Variants in PTPRD observed in about 807,000 individuals in gnomAD.
PTPRD encodes the protein receptor-type tyrosine-protein phosphatase delta.
A neutral mutation model predicts 214.5 loss-of-function variants in PTPRD; 34 were observed. That is an observed-to-expected ratio of 0.16 (90% CI 0.12 to 0.21). PTPRD has a LOEUF of 0.21. Ranked by LOEUF, PTPRD falls within the 10% of genes least tolerant of loss-of-function variation. PTPRD has a pLI of 1.00. For missense variants in PTPRD, 2,545 were observed against 2,398.7 expected (o/e 1.06, Z -1.27); for synonymous variants, 1,128 against 845.7 (o/e 1.33, Z -5.79).
intron 7 of PTPRD, among the ~76,000 whole-genome samples, chr9:9,650,142 G>A (rs575330634): frequency 1.2e-3 from 188 of 152,154 alleles, no homozygotes; most frequent in African/African-American, 4.4e-3. Flanking sequence ...AGATCTGAAG[G>A]TTTAAAAGGG....
chr9:9,372,329 A>G (rs2059739371), intron 9 of PTPRD, among the ~76,000 whole-genome samples: 1 of 152,102 alleles, frequency 6.6e-6, no homozygotes, highest in South Asian at 2.1e-4. Flanking sequence ...TAGGGTAGTT[A>G]GCTCTTCTTG....
At chr9:9,335,738 C>T (rs1475024314) in intron 9 of PTPRD, among the ~76,000 whole-genome samples, 1 of 151,946 alleles carries the variant, frequency 6.6e-6, no homozygotes. Flanking sequence ...ATGAATTATA[C>T]CTTGGAGAAA....
rs1022946702 is a variant in PTPRD at position 8,375,014 on chromosome 9, T to C, written c.4661+922A>G. On this transcript the variant is annotated intron_variant, in intron 39 of 45. Coordinates refer to ENST00000381196, the MANE Select transcript of PTPRD (RefSeq NM_002839.4). ...AAGTCACGATAGAAGTGATTTACGA[T>C]AGATGCTTTCTTGGGTTTTTCCTAT... Among the ~76,000 whole-genome samples the C allele has an allele frequency of 4.6e-5, 7 of 152,092 alleles. No homozygotes were observed. In the East Asian group the frequency reaches 7.7e-4, roughly 17 times the overall value.
chr9:8,993,508 T>C (rs1589443825), intron 11 of PTPRD, among the ~76,000 whole-genome samples: 1 of 152,128 alleles, frequency 6.6e-6, no homozygotes, highest in Admixed American at 6.6e-5. Flanking sequence ...CTGTCTATAA[T>C]GTATGTATAG....
At chr9:10,598,279 C>G (rs534104075) in intron 2 of PTPRD, among the ~76,000 whole-genome samples, 2 of 151,690 alleles carry the variant, frequency 1.3e-5, no homozygotes, top group Non-Finnish European at 2.9e-5. Flanking sequence ...AATTTGCTAG[C>G]TCGAAGTAAA....
At chr9:9,752,127 T>TCAATC (rs1291124004) in intron 6 of PTPRD, among the ~76,000 whole-genome samples, 1 of 152,102 alleles carries the variant, frequency 6.6e-6, no homozygotes, top group Non-Finnish European at 1.5e-5. Flanking sequence ...GCTAATTGTT[T>TCAATC]CAATCCCCTG....
At chr9:10,089,216 A>AATAAATAAATAT (rs2098400213) in intron 3 of PTPRD, among the ~76,000 whole-genome samples, 1 of 150,334 alleles carries the variant, frequency 6.7e-6, no homozygotes, top group African/African-American at 2.4e-5. Context: ...AAAATAAATA[A>AATAAATAAATAT]ATAAATAAAT....
At chr9:10,282,352 C>T (rs2154394962) in intron 3 of PTPRD, among the ~76,000 whole-genome samples, 1 of 152,230 alleles carries the variant, frequency 6.6e-6, no homozygotes, top group Non-Finnish European at 1.5e-5. Flanking sequence ...TGTATGTGGA[C>T]TATGACTAAA....
intron 2 of PTPRD, among the ~76,000 whole-genome samples, chr9:10,350,931 A>T (rs1341491833): frequency 6.6e-6 from 1 of 152,146 alleles, no homozygotes; most frequent in African/African-American, 2.4e-5. Flanking sequence ...TAAAATGGTG[A>T]TGATATAAAA....
At chr9:9,104,149 T>G (rs1022070978) in intron 10 of PTPRD, among the ~76,000 whole-genome samples, 3 of 152,210 alleles carry the variant, frequency 2.0e-5, no homozygotes, top group Admixed American at 6.5e-5. Context: ...CTTTAGGCTT[T>G]GTGGGCTATC....
At chr9:9,279,355 T>C (rs1946827840) in intron 9 of PTPRD, among the ~76,000 whole-genome samples, 1 of 147,506 alleles carries the variant, frequency 6.8e-6, no homozygotes, top group Admixed American at 6.9e-5. Context: ...TATATATATA[T>C]ATATCTAAAT....
chr9:9,550,430 A>G (rs1675466587), intron 8 of PTPRD, among the ~76,000 whole-genome samples: 2 of 148,090 alleles, frequency 1.4e-5, no homozygotes, highest in Admixed American at 1.4e-4. Flanking sequence ...AAAATTATAT[A>G]TTAATGTATA....
At chr9:9,516,241 T>A (rs200259300) in intron 8 of PTPRD, among the ~76,000 whole-genome samples, 2 of 82,112 alleles carry the variant, frequency 2.4e-5, no homozygotes, top group African/African-American at 7.5e-5. Context: ...CATCTAAATC[T>A]ATTTTAACTC....
At chr9:9,709,251 G>A (rs541371172) in intron 7 of PTPRD, among the ~76,000 whole-genome samples, 14 of 151,966 alleles carry the variant, frequency 9.2e-5, no homozygotes, top group Non-Finnish European at 1.8e-4. Context: ...TTTGGATTGT[G>A]TATTTTGAAG....
chr9:8,519,086 A>C (rs775242111), intron 20 of PTPRD, among the ~76,000 whole-genome samples: 16 of 152,330 alleles, frequency 1.1e-4, no homozygotes, highest in Non-Finnish European at 1.9e-4. Flanking sequence ...GTAAATGAAA[A>C]ACCAAAAATT....
intron 4 of PTPRD, among the ~76,000 whole-genome samples, chr9:10,010,268 T>TATTTTAAAATGTAATTC (rs1489043277): frequency 1.3e-5 from 2 of 151,948 alleles, no homozygotes; most frequent in African/African-American, 4.8e-5. Flanking sequence ...GATTTTAAAT[T>TATTTTAAAATGTAATTC]ATTTTAAAAT....
At chr9:10,192,599 A>G (rs1408932436) in intron 3 of PTPRD, among the ~76,000 whole-genome samples, 1 of 152,084 alleles carries the variant, frequency 6.6e-6, no homozygotes, top group African/African-American at 2.4e-5. Flanking sequence ...TATTCAAATG[A>G]CTGTGCTCTC....
intron 9 of PTPRD, among the ~76,000 whole-genome samples, chr9:9,354,582 T>G (rs892117924): frequency 6.6e-6 from 1 of 151,814 alleles, no homozygotes; most frequent in Non-Finnish European, 1.5e-5. Flanking sequence ...AAACAAAGTT[T>G]CCTTCCCCTG....
intron 4 of PTPRD, among the ~76,000 whole-genome samples, chr9:9,990,900 A>C (rs2095890569): frequency 6.6e-6 from 1 of 151,982 alleles, no homozygotes; most frequent in Non-Finnish European, 1.5e-5. Context: ...TGTAAAATCA[A>C]AATGTAAAAT....
Sources: gnomAD v4.1 joint callset for allele counts (sites outside exome capture counted in the v4.1 genomes callset) on GRCh38, gnomAD v4.1.1 for gene constraint, MANE v1.5 for transcripts, NCBI Gene and HGNC (gene_info 2026-07-23, HGNC 2026-07-21) for gene names.